CDT1: variants seen among roughly 807,000 people sequenced by gnomAD.
CDT1 encodes the protein DNA replication factor Cdt1.
In CDT1, 66 loss-of-function variants were observed where a neutral mutation model predicts 49.3. That is an observed-to-expected ratio of 1.34 (90% CI 1.10 to 1.64). The LOEUF is 1.64. CDT1 is among the 40% of genes most tolerant of loss of function. The pLI is 0.00. For missense variants in CDT1, 958 were observed against 807.7 expected (o/e 1.19, Z -2.26); for synonymous variants, 424 against 347.4 (o/e 1.22, Z -2.45).
In CDT1 at chr16:88,804,053, G is replaced by C. The variant is rs778935559; in HGVS notation, c.222G>C (p.Val74=). ...PPARRRLRLS[V]DEVSSPSTPE... ...CCCGCAGGAGACTGCGGCTGTCGGT[G>C]GACGAGGTGAGGGGCGTGGGGAGAC... is the stretch of plus-strand genomic sequence containing the variant. Residue 74 remains valine (V), a synonymous_variant, in exon 1 of 10, where the codon GTG becomes GTC. Transcript: ENST00000301019. 1 of 1,450,488 alleles carries C rather than the reference G, an allele frequency of 6.9e-7. No homozygotes were observed. The highest frequency in any genetic ancestry group is 1.5e-5 in the African/African-American group (1 of 67,000). 89.9% of individuals were successfully genotyped at this position (1,450,488 alleles called of 1,614,324 possible).
chr16:88,807,073 T>G lies in CDT1; in HGVS notation c.1145T>G (p.Leu382Trp). 1.2e-6 allele frequency: 2 copies of G among 1,612,892 alleles called. No individual in the cohort carries two copies. Among genetic ancestry groups the G allele is most frequent in the Non-Finnish European group, 1.7e-6 (2 of 1,179,956 alleles). The part of the protein sequence containing the change: ...SPRMEKALSQ[L>W]ALRSAAPSSP... ...CAGATGGAGAAGGCCTTGAGTCAAT[T>G]GGCCCTGCGCTCTGCTGCGCCCAGC... Residue 382 changes from leucine (L) to tryptophan (W), a missense_variant, in exon 8 of 10, where the codon TTG (leucine) becomes TGG (tryptophan). Leu to Trp is a moderately conservative substitution (Grantham distance 61). Transcript: ENST00000301019.
Position 88,805,966 on chromosome 16 carries a change from A to G in CDT1, c.833-55A>G. ...CTGGGCATCTGGCCCAGGACTGGTC[A>G]CGGGTGGGTGGCTGGGTGGCCTGGT... On this transcript the variant is annotated intron_variant, in intron 5 of 9. Coordinates refer to ENST00000301019, the MANE Select transcript of CDT1 (RefSeq NM_030928.4). The G allele has an allele frequency of 7.0e-6, 11 of 1,578,724 alleles. No individual in the cohort carries two copies. In the South Asian group the frequency reaches 1.3e-4, roughly 18 times the overall value.
At chr16:88,804,478 G>T in intron 1 of CDT1, 67 bp from the exon 2 acceptor site, 1 of 1,574,338 alleles carries the variant, frequency 6.4e-7, no homozygotes, top group Non-Finnish European at 8.6e-7. Flanking sequence ...TGATCCTTCG[G>T]GGTCCTCTGC....
chr16:88,806,292 A>T (rs964468720), intron 6 of CDT1, 171 bp downstream of exon 6: 2 of 959,806 alleles, frequency 2.1e-6, no homozygotes, highest in African/African-American at 3.2e-5. Flanking sequence ...GCAGGCACTG[A>T]GGAGGTCCCC....
intron 7 of CDT1, 61 bp from the exon 8 acceptor site, chr16:88,806,990 C>T: frequency 5.0e-6 from 8 of 1,605,090 alleles, no homozygotes; most frequent in Non-Finnish European, 6.8e-6. Context: ...GACTCCTGGG[C>T]AGACAGCCAG....
At chr16:88,807,597 C>T (rs1258238035) in intron 9 of CDT1, 115 bp downstream of exon 9, 2 of 1,063,516 alleles carry the variant, frequency 1.9e-6, no homozygotes, top group Non-Finnish European at 2.8e-6. Context: ...TTCAGATGTG[C>T]AGTGGGCGCT....
At position 88,803,819 on chromosome 16, in the gene CDT1, G is replaced by A. The variant is rs774178729; in HGVS notation, c.-13G>A. 2.6e-6 allele frequency: 4 copies of A among 1,510,104 alleles called. No homozygotes were observed. The highest frequency in any genetic ancestry group is 2.8e-5 in the East Asian group (1 of 36,032). 93.5% of individuals were successfully genotyped at this position (1,510,104 alleles called of 1,614,324 possible). On this transcript the variant is annotated 5_prime_UTR_variant, in exon 1 of 10. Coordinates refer to ENST00000301019, the MANE Select transcript of CDT1 (RefSeq NM_030928.4). ...TTCCTTCTTTCCTTGCTTTCGCCGC[G>A]CACTCCGCCGCCATGGAGCAGCGCC...
chr16:88,804,136 A>C, intron 1 of CDT1, 77 bp downstream of exon 1: 3 of 841,500 alleles, frequency 3.6e-6, no homozygotes, highest in Non-Finnish European at 4.8e-6. Context: ...GCTCGGGGAA[A>C]CTGAGGCGGA....
At chr16:88,804,446 C>G in intron 1 of CDT1, 99 bp from the exon 2 acceptor site, 2 of 1,469,436 alleles carry the variant, frequency 1.4e-6, no homozygotes, top group Non-Finnish European at 1.9e-6. Context: ...CATGCCCGTC[C>G]CAGTTAACTC....
In CDT1 at chr16:88,807,174, A is replaced by C. The variant is rs1490767702; in HGVS notation, c.1246A>C (p.Lys416Gln). 6.2e-7 allele frequency: 1 copy of C among 1,612,312 alleles called. No homozygotes were observed. The highest frequency in any genetic ancestry group is 1.3e-5 in the African/African-American group (1 of 74,920). ...TPPAASPSAL[K>Q]GVSQDLLERI... ...GCCTGCAGCCTCTCCCAGTGCTCTG[A>C]AGGGGGTGTCCCAGGATCTGCTGGA... The change falls in exon 8 of 10, where the codon AAG becomes CAG. Residue 416 changes from lysine (K) to glutamine (Q), a missense_variant. Coordinates refer to ENST00000301019, the MANE Select transcript of CDT1 (RefSeq NM_030928.4).
In CDT1 at chr16:88,809,255, A is replaced by G. The variant is rs866143113; in HGVS notation, c.*977A>G. The G allele has an allele frequency of 1.1e-4, 41 of 360,462 alleles. No homozygotes were observed. Among genetic ancestry groups the G allele is most frequent in the Middle Eastern group, 1.9e-3 (2 of 1,052 alleles). The allele number at this position is 360,462 out of a possible 1,614,324, so 22.3% of individuals were successfully genotyped here. A position where few individuals can be genotyped will look rare whatever the true frequency, so the allele number is the denominator to read the frequency against. ...CTCTAATAAAGTCATGCTTACAGCCACTAGATCTGCAGAAGAGCCCTCGCT... is the reference window on the plus strand; with the variant it reads ...CTCTAATAAAGTCATGCTTACAGCCGCTAGATCTGCAGAAGAGCCCTCGCT... On this transcript the variant is annotated 3_prime_UTR_variant, in exon 10 of 10. Coordinates refer to ENST00000301019, the MANE Select transcript of CDT1 (RefSeq NM_030928.4).
rs111750506 is a variant in CDT1, at chr16:88,804,409, T to C, written c.229-136T>C. On this transcript the variant is annotated intron_variant, in intron 1 of 9. Coordinates refer to ENST00000301019, the MANE Select transcript of CDT1 (RefSeq NM_030928.4). Reference sequence around the variant, plus strand: ...TCCCCGGCCTTAGCACAGACCACCATCTACGGGAAGTCCTAAGCCCCCCAG... The same window carrying C: ...TCCCCGGCCTTAGCACAGACCACCACCTACGGGAAGTCCTAAGCCCCCCAG... 381 of 1,154,436 alleles carry C rather than the reference T, an allele frequency of 3.3e-4. 1 individual carries two copies. The African/African-American group carries it at 5.2e-3, about 16-fold the overall frequency. The allele number at this position is 1,154,436 out of a possible 1,614,324, so 71.5% of individuals were successfully genotyped here.
rs1908774112 is a variant in CDT1 at position 88,804,579 on chromosome 16, T to A, written c.263T>A (p.Ile88Asn). Residue 88 changes from isoleucine (I) to asparagine (N), a missense_variant, in exon 2 of 10, where the codon ATC (isoleucine) becomes AAC (asparagine). By Grantham distance (149) the Ile-to-Asn change is moderately radical. Transcript: ENST00000301019. ...CCCAGTACCCCCGAGGCCCCAGACA[T>A]CCCAGCCTGCCCTTCTCCGGGCCAG... ...SSPSTPEAPD[I>N]PACPSPGQKI... is the part of the protein sequence containing the mutation. The A allele has an allele frequency of 1.2e-6, 2 of 1,612,942 alleles. No individual in the cohort carries two copies. Among genetic ancestry groups the A allele is most frequent in the Non-Finnish European group, 1.7e-6 (2 of 1,179,882 alleles).
In CDT1 at chr16:88,808,179, C is replaced by T; in HGVS notation, c.1542C>T (p.Arg514=). 1 of 1,612,900 alleles carries T rather than the reference C, an allele frequency of 6.2e-7. No individual in the cohort carries two copies. Among genetic ancestry groups the T allele is most frequent in the Non-Finnish European group, 8.5e-7 (1 of 1,179,978 alleles). ...TGCCGGACTGGCTCAGCCTCCACCG[C>T]ATCCGCACCGACACCTACGTCAAGC... The part of the protein sequence containing the change: ...ELLPDWLSLH[R]IRTDTYVKLD... Residue 514 remains arginine, a synonymous_variant, in exon 10 of 10, where the codon CGC becomes CGT. Transcript: ENST00000301019.
intron 5 of CDT1, 71 bp from the exon 6 acceptor site, chr16:88,805,950 T>C: frequency 6.3e-7 from 1 of 1,585,478 alleles, no homozygotes; most frequent in East Asian, 2.3e-5. Flanking sequence ...GCTGGGCATC[T>C]GGCCCAGGAC....
chr16:88,804,195 T>C, intron 1 of CDT1, 136 bp downstream of exon 1: 1 of 668,774 alleles, frequency 1.5e-6, no homozygotes, highest in Non-Finnish European at 2.2e-6. Flanking sequence ...CAGGGAACTC[T>C]GGGACAGGCC....
chr16:88,808,040 C>A, intron 9 of CDT1, 75 bp from the exon 10 acceptor site: 1 of 1,531,512 alleles, frequency 6.5e-7, no homozygotes, highest in South Asian at 1.2e-5. Flanking sequence ...GTTGGGTGGT[C>A]AGGCTGGTTT....
chr16:88,805,900 C>T, intron 5 of CDT1, 31 bp downstream of exon 5: 1 of 1,610,494 alleles, frequency 6.2e-7, no homozygotes, highest in South Asian at 1.1e-5. Context: ...CTCGGTTTCC[C>T]CATCTGTGAG....
At position 88,806,685 on chromosome 16, in the gene CDT1, G is replaced by A. The variant is rs549074503; in HGVS notation, c.1122+11G>A. The A allele has an allele frequency of 8.3e-4, 1,321 of 1,588,984 alleles. 17 individuals are homozygous for A. In the South Asian group the frequency reaches 0.013, roughly 16 times the overall value. On this transcript the variant is annotated intron_variant, in intron 7 of 9. Transcript: ENST00000301019. ...CTGATTTCACCCAGGGTGAGACTGC[G>A]AGGCTTGGGCAGCCCATTTCTCCCG...
Sources: gnomAD v4.1 joint callset for allele counts on GRCh38, gnomAD v4.1.1 for gene constraint, MANE v1.5 for transcripts, NCBI Gene and HGNC (gene_info 2026-07-23, HGNC 2026-07-21) for gene names.